Variants in SREBF2 observed in about 807,000 individuals in gnomAD.
The protein encoded by SREBF2 is sterol regulatory element-binding protein 2.
In SREBF2, 55 loss-of-function variants were observed where a neutral mutation model predicts 113.1. That is an observed-to-expected ratio of 0.49 (90% CI 0.39 to 0.61). The LOEUF is 0.61. Ranked by LOEUF, SREBF2 falls within the 20% of genes least tolerant of loss-of-function variation. The pLI is 0.00. For missense variants in SREBF2, 1,349 were observed against 1,487.4 expected, an observed-to-expected ratio of 0.91 and a Z score of 1.53; for synonymous variants, 593 against 605.7, an observed-to-expected ratio of 0.98 and a Z score of 0.31.
At chr22:41,847,838 A>T (rs193054391) in intron 1 of SREBF2, among the ~76,000 whole-genome samples, 2,038 of 152,156 alleles carry the variant, frequency 0.013, 59 homozygotes, top group African/African-American at 0.048. Context: ...TTTAAAAATT[A>T]TTACTACTAA....
intron 9 of SREBF2, among the ~76,000 whole-genome samples, chr22:41,879,800 G>A (rs1451047982): frequency 2.0e-5 from 3 of 152,148 alleles, no homozygotes; most frequent in African/African-American, 7.2e-5. Context: ...GAGAGAAAGC[G>A]AGCGGTCTCC....
chr22:41,854,530 A>G (rs1190783278), intron 1 of SREBF2, among the ~76,000 whole-genome samples: 1 of 151,998 alleles, frequency 6.6e-6, no homozygotes, highest in Non-Finnish European at 1.5e-5. Context: ...CATTTTCTCC[A>G]TGCACTCATA....
At chr22:41,861,885 T>G (rs1282845501) in intron 1 of SREBF2, among the ~76,000 whole-genome samples, 2 of 150,860 alleles carry the variant, frequency 1.3e-5, no homozygotes, top group Admixed American at 1.3e-4. Context: ...ATTGCACCAC[T>G]GCACGCCTGG....
At position 41,862,655 on chromosome 22, in the gene SREBF2, A is replaced by G. The variant is rs565633336; in HGVS notation, c.89-4176A>G. Among the ~76,000 whole-genome samples, 7 of 152,318 alleles carry G rather than the reference A, an allele frequency of 4.6e-5. No homozygotes were observed. In the East Asian group the frequency reaches 1.4e-3, roughly 29 times the overall value. On this transcript the variant is annotated intron_variant, in intron 1 of 18. Coordinates refer to ENST00000361204, the MANE Select transcript of SREBF2 (RefSeq NM_004599.4). Reference sequence around the variant, plus strand: ...AGTGAGGAGCCATTAGGACATTCCCATGGGTGTAGCTCACAGTTACAAAGC... The same window carrying G: ...AGTGAGGAGCCATTAGGACATTCCCGTGGGTGTAGCTCACAGTTACAAAGC...
chr22:41,894,306 A>G (rs898056497), intron 12 of SREBF2, among the ~76,000 whole-genome samples: 5 of 152,178 alleles, frequency 3.3e-5, no homozygotes, highest in Admixed American at 2.0e-4. Context: ...ACAGTCAGCT[A>G]TCCAAGCATT....
At chr22:41,904,711 C>T (rs1469383937) in intron 17 of SREBF2, 152 bp from the exon 18 acceptor site, 1 of 729,160 alleles carries the variant, frequency 1.4e-6, no homozygotes, top group Non-Finnish European at 2.5e-6. Flanking sequence ...GAGTACGGGA[C>T]AACAGAGGTT....
chr22:41,906,217 T>C lies in SREBF2; in HGVS notation c.*557T>C. 2 of 342,872 alleles carry C rather than the reference T, an allele frequency of 5.8e-6. No homozygotes were observed. Among genetic ancestry groups the C allele is most frequent in the Non-Finnish European group, 1.1e-5 (2 of 175,948 alleles). 21.2% of individuals were successfully genotyped at this position (342,872 alleles called of 1,614,324 possible). On this transcript the variant is annotated 3_prime_UTR_variant, in exon 19 of 19. Coordinates refer to ENST00000361204, the MANE Select transcript of SREBF2 (RefSeq NM_004599.4). Reference sequence around the variant, plus strand: ...CTCCCCTGGGCCTGACTGAGCCTGCTCATTGTTTTTCCCTTTATTACACAG... The same window carrying C: ...CTCCCCTGGGCCTGACTGAGCCTGCCCATTGTTTTTCCCTTTATTACACAG...
chr22:41,839,628 A>G (rs574629093), intron 1 of SREBF2, among the ~76,000 whole-genome samples: 63 of 152,310 alleles, frequency 4.1e-4, no homozygotes, highest in African/African-American at 1.5e-3. Flanking sequence ...GAGCTGATCT[A>G]CTTTCTGTCT....
intron 11 of SREBF2, among the ~76,000 whole-genome samples, chr22:41,887,613 T>A (rs998458183): frequency 2.0e-5 from 3 of 152,252 alleles, no homozygotes; most frequent in African/African-American, 7.2e-5. Flanking sequence ...ATGACTAGAT[T>A]ATTGCAGATG....
Position 41,905,571 on chromosome 22 carries a change from C to G in SREBF2, c.3337C>G (p.Leu1113Val). Residue 1113 changes from leucine (L) to valine (V), a missense_variant, in exon 19 of 19, where the codon CTG becomes GTG. Physicochemically the swap from Leu to Val is conservative, Grantham distance 32. Coordinates refer to ENST00000361204, the MANE Select transcript of SREBF2 (RefSeq NM_004599.4). ...AVLLAEAARTLEKVGDRRSCN... is the reference protein window; with the variant it reads ...AVLLAEAARTVEKVGDRRSCN... ...GCTGCTGGCCGAAGCTGCCCGCACC[C>G]TGGAGAAGGTGGGCGACCGGCGCTC... 1 of 1,597,398 alleles carries G rather than the reference C, an allele frequency of 6.3e-7. No homozygotes were observed. The highest frequency in any genetic ancestry group is 1.7e-5 in the Admixed American group (1 of 58,078).
chr22:41,844,181 TG>T lies in SREBF2; in HGVS notation c.88+10828del, dbSNP rs552164173. Among the ~76,000 whole-genome samples the T allele has an allele frequency of 3.4e-4, 52 of 151,674 alleles. 1 individual carries two copies. In the East Asian group the frequency reaches 9.7e-3, roughly 28 times the overall value. On this transcript the variant is annotated intron_variant, in intron 1 of 18. Coordinates refer to ENST00000361204, the MANE Select transcript of SREBF2 (RefSeq NM_004599.4). ...CTGAGCCTTAATTTCCTCTGTAAGGTGGGGGTTGGGTACCTTAGCTCACTTA... is the reference window on the plus strand; with the variant it reads ...CTGAGCCTTAATTTCCTCTGTAAGGTGGGGTTGGGTACCTTAGCTCACTTA...
In SREBF2 at chr22:41,844,322, A is replaced by T. The variant is rs553397738; in HGVS notation, c.88+10964A>T. On this transcript the variant is annotated intron_variant, in intron 1 of 18. Coordinates refer to ENST00000361204, the MANE Select transcript of SREBF2 (RefSeq NM_004599.4). ...GAACTGAATGAACTTCAGTTTGCAC[A>T]TTGATGTAGGACTAGGGGACCTGTT... 4.6e-5 allele frequency among the ~76,000 whole-genome samples: 7 copies of T among 152,314 alleles called. No individual in the cohort carries two copies. In the East Asian group the frequency reaches 1.3e-3, roughly 29 times the overall value.
intron 3 of SREBF2, among the ~76,000 whole-genome samples, 156 bp from the exon 4 acceptor site, chr22:41,870,733 G>A (rs1005645140): frequency 2.0e-5 from 3 of 151,412 alleles, no homozygotes; most frequent in Non-Finnish European, 4.4e-5. Flanking sequence ...CTTTTGAAAT[G>A]GCCTCTATGA....
Position 41,900,087 on chromosome 22 carries a change from G to A in SREBF2, c.2739-243G>A. 8 of 1,425,026 alleles carry A rather than the reference G, an allele frequency of 5.6e-6. No individual in the cohort carries two copies. The South Asian group carries it at 1.0e-4, about 18-fold the overall frequency. 88.3% of individuals were successfully genotyped at this position (1,425,026 alleles called of 1,614,324 possible). A position where few individuals can be genotyped will look rare whatever the true frequency, so the allele number is the denominator to read the frequency against. On this transcript the variant is annotated intron_variant, in intron 15 of 18. Transcript: ENST00000361204. ...GCTTCTTAGCAGCAGACGTGATGGT[G>A]AAGCCTGTGTCTCTGACTTCCAGCA...
intron 5 of SREBF2, among the ~76,000 whole-genome samples, chr22:41,874,916 GA>G (rs56791406): frequency 6.8e-4 from 98 of 143,850 alleles, no homozygotes; most frequent in African/African-American, 8.6e-4. Context: ...TTGGAAAAAA[GA>G]AAAAAAAAAA....
chr22:41,885,252 CTGAGGTAATA>C (rs1217306337), intron 11 of SREBF2, among the ~76,000 whole-genome samples: 4 of 152,188 alleles, frequency 2.6e-5, no homozygotes, highest in Admixed American at 6.5e-5. Context: ...TTTTGGTCCC[CTGAGGTAATA>C]TGAGGTAATA....
chr22:41,888,601 C>G (rs1288971131), intron 11 of SREBF2, among the ~76,000 whole-genome samples: 1 of 152,154 alleles, frequency 6.6e-6, no homozygotes, highest in Non-Finnish European at 1.5e-5. Context: ...TTTGTAGCCT[C>G]TTCATTCTAC....
In SREBF2 at chr22:41,875,601, C is replaced by A. The variant is rs527268225; in HGVS notation, c.1263C>A (p.Ile421=). 1 of 1,614,194 alleles carries A rather than the reference C, an allele frequency of 6.2e-7. No homozygotes were observed. The highest frequency in any genetic ancestry group is 1.3e-5 in the African/African-American group (1 of 75,038). Residue 421 remains isoleucine, a synonymous_variant, in exon 7 of 19, where the codon ATC becomes ATA. Transcript: ENST00000361204. ...SLVDNEVDLK[I]EDFNQNVLLM... The stretch of plus-strand genomic sequence containing the variant: ...TGGACAATGAGGTGGACCTGAAGAT[C>A]GAGGACTTTAATCAGAATGTCCTTC...
At chr22:41,849,944 C>CG (rs56659363) in intron 1 of SREBF2, among the ~76,000 whole-genome samples, 47,000 of 151,036 alleles carry the variant, frequency 0.31, 7,944 homozygotes, top group Admixed American at 0.49. Flanking sequence ...CGAGACCATC[C>CG]TGACTAACAT....
Sources: gnomAD v4.1 joint callset for allele counts (sites outside exome capture counted in the v4.1 genomes callset) on GRCh38, gnomAD v4.1.1 for gene constraint, MANE v1.5 for transcripts, NCBI Gene and HGNC (gene_info 2026-07-23, HGNC 2026-07-21) for gene names.